The following TMEM132D variants were observed in gnomAD, a reference collection of about 807,000 sequenced individuals.
TMEM132D encodes the protein transmembrane protein 132D.
In TMEM132D, 21 loss-of-function variants were observed where a neutral mutation model predicts 62.3. That is an observed-to-expected ratio of 0.34 (90% CI 0.24 to 0.49). The LOEUF (loss-of-function observed/expected upper bound fraction) is 0.49, where lower values mean the gene tolerates loss of function less well. Ranked by LOEUF, TMEM132D falls within the 20% of genes least tolerant of loss-of-function variation. The probability of loss-of-function intolerance (pLI) is 0.99; values close to 1 mark genes in which losing one functional copy is unlikely to be tolerated. For synonymous variants in TMEM132D, 621 were observed against 575.6 expected, an observed-to-expected ratio of 1.08 and a Z score of -1.13; for missense variants, 1,346 against 1,402.8, an observed-to-expected ratio of 0.96 and a Z score of 0.65.
At chr12:129,319,967 T>A (rs771029387) in intron 4 of TMEM132D, among the ~76,000 whole-genome samples, 1 of 152,152 alleles carries the variant, frequency 6.6e-6, no homozygotes, top group South Asian at 2.1e-4. Context: ...TAGAGAGAAA[T>A]GCCAAATTTA....
chr12:129,505,066 G>A (rs184386430), intron 3 of TMEM132D, among the ~76,000 whole-genome samples: 9 of 152,200 alleles, frequency 5.9e-5, no homozygotes, highest in Non-Finnish European at 1.0e-4. Context: ...TTCCACTGTG[G>A]TCTGAGAGAG....
chr12:129,114,469 TCTC>T (rs1875828528), intron 5 of TMEM132D, among the ~76,000 whole-genome samples: 1 of 151,254 alleles, frequency 6.6e-6, no homozygotes, highest in South Asian at 2.1e-4. Context: ...TCTCTTCTCT[TCTC>T]CTTCCCTTCC....
At chr12:129,643,880 C>A (rs1441170560) in intron 2 of TMEM132D, among the ~76,000 whole-genome samples, 1 of 149,208 alleles carries the variant, frequency 6.7e-6, no homozygotes, top group East Asian at 2.0e-4. Context: ...GAGTCTCACT[C>A]TGTCACCAGA....
intron 5 of TMEM132D, among the ~76,000 whole-genome samples, chr12:129,156,562 C>G (rs1417992445): frequency 2.0e-5 from 3 of 152,050 alleles, no homozygotes; most frequent in Non-Finnish European, 4.4e-5. Context: ...TTTGTGGTAC[C>G]CAACCTACTC....
intron 1 of TMEM132D, among the ~76,000 whole-genome samples, chr12:129,738,882 T>A (rs909626705): frequency 6.6e-6 from 1 of 152,130 alleles, no homozygotes; most frequent in African/African-American, 2.4e-5. Flanking sequence ...CTTCTACACG[T>A]ACATTATACC....
intron 2 of TMEM132D, among the ~76,000 whole-genome samples, chr12:129,636,425 C>A (rs1879478048): frequency 6.6e-6 from 1 of 152,084 alleles, no homozygotes; most frequent in Non-Finnish European, 1.5e-5. Context: ...GTTTATATCT[C>A]TGTGTTAATG....
chr12:129,561,655 C>T (rs186846592), intron 2 of TMEM132D, among the ~76,000 whole-genome samples: 2 of 152,276 alleles, frequency 1.3e-5, no homozygotes, highest in Admixed American at 1.3e-4. Context: ...AGACAGAAAC[C>T]AGTTATCATT....
intron 8 of TMEM132D, 81 bp from the exon 9 acceptor site, chr12:129,075,140 C>T (rs1874211207): frequency 1.3e-5 from 15 of 1,121,050 alleles, no homozygotes; most frequent in South Asian, 3.1e-5. Context: ...AGACACACAA[C>T]GGCAAAACTA....
intron 3 of TMEM132D, among the ~76,000 whole-genome samples, chr12:129,456,106 T>C (rs1341274022): frequency 6.6e-6 from 1 of 152,158 alleles, no homozygotes; most frequent in East Asian, 1.9e-4. Flanking sequence ...ACAAAACCTT[T>C]GAAGTAAAAT....
chr12:129,757,630 A>G (rs1020435692), intron 1 of TMEM132D, among the ~76,000 whole-genome samples: 3 of 152,126 alleles, frequency 2.0e-5, no homozygotes, highest in Non-Finnish European at 4.4e-5. Flanking sequence ...GGAAATCTGG[A>G]CAAATCCTCA....
At chr12:129,364,583 G>A (rs1355712987) in intron 3 of TMEM132D, among the ~76,000 whole-genome samples, 2 of 152,226 alleles carry the variant, frequency 1.3e-5, no homozygotes, top group Middle Eastern at 3.2e-3. Flanking sequence ...CTAAGGTGAT[G>A]TTAACTGCTA....
chr12:129,306,537 T>G (rs1881849792), intron 4 of TMEM132D, among the ~76,000 whole-genome samples: 1 of 152,194 alleles, frequency 6.6e-6, no homozygotes, highest in East Asian at 1.9e-4. Context: ...AGATGTTGAT[T>G]GTTGTGGCTT....
chr12:129,723,120 G>A (rs1868904926), intron 1 of TMEM132D, among the ~76,000 whole-genome samples: 1 of 152,094 alleles, frequency 6.6e-6, no homozygotes, highest in Admixed American at 6.6e-5. Flanking sequence ...GGCTTAACAT[G>A]GACTGATAGG....
intron 1 of TMEM132D, among the ~76,000 whole-genome samples, chr12:129,882,735 T>C (rs1213807425): frequency 1.3e-5 from 2 of 152,160 alleles, no homozygotes; most frequent in African/African-American, 2.4e-5. Flanking sequence ...ATTATGTCAA[T>C]TGAAAACACA....
intron 3 of TMEM132D, among the ~76,000 whole-genome samples, chr12:129,478,957 A>G (rs1043502384): frequency 6.6e-6 from 1 of 152,232 alleles, no homozygotes; most frequent in African/African-American, 2.4e-5. Flanking sequence ...ACATGCATGA[A>G]GATATATTTG....
At chr12:129,121,325 A>G (rs1396235954) in intron 5 of TMEM132D, among the ~76,000 whole-genome samples, 1 of 152,072 alleles carries the variant, frequency 6.6e-6, no homozygotes, top group East Asian at 1.9e-4. Context: ...CAAACTCCTG[A>G]CCTCAGGTGA....
intron 1 of TMEM132D, among the ~76,000 whole-genome samples, chr12:129,891,053 C>T (rs1289650398): frequency 6.6e-6 from 1 of 151,978 alleles, no homozygotes; most frequent in African/African-American, 2.4e-5. Flanking sequence ...ACAGCGACGC[C>T]CAAACAGCAG....
chr12:129,320,423 G>A (rs1029006390), intron 4 of TMEM132D, among the ~76,000 whole-genome samples: 2 of 152,188 alleles, frequency 1.3e-5, no homozygotes, highest in African/African-American at 4.8e-5. Context: ...ATGGGACACT[G>A]TGCAGGAGAC....
intron 4 of TMEM132D, among the ~76,000 whole-genome samples, chr12:129,304,332 C>A (rs1449585255): frequency 1.3e-5 from 2 of 152,138 alleles, no homozygotes; most frequent in Middle Eastern, 6.3e-3. Context: ...CCTGAACAAT[C>A]CCATATCCTA....
Sources: allele counts gnomAD v4.1 joint callset (sites outside exome capture counted in the v4.1 genomes callset), GRCh38; gene constraint gnomAD v4.1.1; transcripts MANE v1.5; gene names NCBI Gene and HGNC (gene_info 2026-07-23, HGNC 2026-07-21).